The following MINDY4B variants were observed in gnomAD, a reference collection of about 807,000 sequenced individuals.
MINDY4B encodes the protein inactive ubiquitin carboxyl-terminal hydrolase MINDY-4B.
In MINDY4B, 25 loss-of-function variants were observed where a neutral mutation model predicts 16.7. That is an observed-to-expected ratio of 1.49 (90% CI 1.09 to 2.09). MINDY4B has a LOEUF of 2.09. MINDY4B is among the 30% of genes most tolerant of loss of function. The probability of loss-of-function intolerance (pLI) is 0.00; values close to 1 mark genes in which losing one functional copy is unlikely to be tolerated. For synonymous variants in MINDY4B, 132 were observed against 61.9 expected (o/e 2.13, Z -5.32); for missense variants, 327 against 168.4 (o/e 1.94, Z -5.21).
intron 10 of MINDY4B, among the ~76,000 whole-genome samples, chr3:150,876,954 G>A (rs1335671283): frequency 6.6e-6 from 1 of 152,172 alleles, no homozygotes; most frequent in Admixed American, 6.5e-5. Flanking sequence ...CTTCAAAATA[G>A]TGCCTCATCT....
intron 9 of MINDY4B, among the ~76,000 whole-genome samples, chr3:150,883,476 A>C (rs1711557812): frequency 6.6e-6 from 1 of 152,088 alleles, no homozygotes; most frequent in South Asian, 2.1e-4. Flanking sequence ...TAAACTAAGG[A>C]GGACTGTTAT....
chr3:150,873,158 C>T (rs1290051895), intron 11 of MINDY4B, 29 bp downstream of exon 11: 3 of 691,472 alleles, frequency 4.3e-6, no homozygotes, highest in Non-Finnish European at 7.9e-6. Flanking sequence ...ACATTAAAAT[C>T]CACAACACCT....
At chr3:150,884,554 A>G (rs948152664) in intron 8 of MINDY4B, among the ~76,000 whole-genome samples, 1 of 152,222 alleles carries the variant, frequency 6.6e-6, no homozygotes, top group African/African-American at 2.4e-5. Context: ...TACATGACTT[A>G]AAGGACATTA....
chr3:150,885,534 T>A, intron 7 of MINDY4B, 96 bp from the exon 8 acceptor site: 1 of 668,320 alleles, frequency 1.5e-6, no homozygotes. Flanking sequence ...GCTGAGAGAA[T>A]TTTTTCCCCC....
rs187167016 is a variant in MINDY4B at position 150,873,827 on chromosome 3, A to G, written c.1060-460T>C. Among the ~76,000 whole-genome samples the G allele has an allele frequency of 2.6e-5, 4 of 152,162 alleles. No homozygotes were observed. The East Asian group carries it at 5.8e-4, about 22-fold the overall frequency. On this transcript the variant is annotated intron_variant, in intron 10 of 11. Transcript: ENST00000465419. Reference sequence around the variant, plus strand: ...TCTGGCAACATCAACTATTTAGAATATAGAAAAAATGATATTTAAGATATA... The same window carrying G: ...TCTGGCAACATCAACTATTTAGAATGTAGAAAAAATGATATTTAAGATATA...
At chr3:150,894,522 A>G (rs906808452) in intron 3 of MINDY4B, among the ~76,000 whole-genome samples, 1 of 152,186 alleles carries the variant, frequency 6.6e-6, no homozygotes, top group Non-Finnish European at 1.5e-5. Flanking sequence ...TTTGCCAGGC[A>G]TCTACTTTGC....
At chr3:150,887,298 T>C (rs544717662) in intron 7 of MINDY4B, among the ~76,000 whole-genome samples, 41 of 152,200 alleles carry the variant, frequency 2.7e-4, no homozygotes, top group Admixed American at 2.3e-3. Flanking sequence ...GGTGAGATAT[T>C]CCATCACACT....
In MINDY4B at chr3:150,905,078, T is replaced by C; in HGVS notation, c.125A>G (p.Asn42Ser). ...EIFSYHRLGT[N>S]NSTPQNHEGN... ...AGTAATTACCTGAGGAGTTGAATTA[T>C]TGGTTCCCAACCTTTAAATGAAAGA... is the stretch of plus-strand genomic sequence containing the variant. Residue 42 changes from asparagine to serine, a missense_variant, in exon 2 of 12, where the codon AAT becomes AGT. By Grantham distance (46) the Asn-to-Ser change is conservative. Coordinates refer to ENST00000465419, the MANE Select transcript of MINDY4B (RefSeq NM_001351281.2). 1 of 398,550 alleles carries C rather than the reference T, an allele frequency of 2.5e-6. No homozygotes were observed. The highest frequency in any genetic ancestry group is 1.3e-4 in the South Asian group (1 of 7,860). The allele number at this position is 398,550 out of a possible 1,614,324, so 24.7% of individuals were successfully genotyped here.
intron 10 of MINDY4B, among the ~76,000 whole-genome samples, chr3:150,880,447 A>G (rs1213173391): frequency 1.6e-4 from 24 of 152,256 alleles, no homozygotes; most frequent in Non-Finnish European, 1.5e-5. Context: ...TGGCACAAAA[A>G]ACAAATGTTT....
chr3:150,901,907 T>C (rs1261351360), intron 3 of MINDY4B, among the ~76,000 whole-genome samples: 2 of 152,006 alleles, frequency 1.3e-5, no homozygotes, highest in East Asian at 1.9e-4. Context: ...GAGAAAGTTA[T>C]TTGGTGAAGC....
intron 2 of MINDY4B, among the ~76,000 whole-genome samples, chr3:150,903,992 T>G (rs1712179632): frequency 6.6e-6 from 1 of 152,226 alleles, no homozygotes; most frequent in South Asian, 2.1e-4. Flanking sequence ...CTTCTTCAAA[T>G]TTACTTAGCT....
chr3:150,877,675 T>C (rs1711498914), intron 10 of MINDY4B, among the ~76,000 whole-genome samples: 1 of 152,136 alleles, frequency 6.6e-6, no homozygotes, highest in South Asian at 2.1e-4. Flanking sequence ...CAGTTCACCA[T>C]CAACACAAGC....
At chr3:150,902,022 A>C (rs1245816717) in intron 3 of MINDY4B, among the ~76,000 whole-genome samples, 1 of 152,136 alleles carries the variant, frequency 6.6e-6, no homozygotes, top group African/African-American at 2.4e-5. Context: ...TCGAAGCTGG[A>C]AATACCGCAG....
intron 3 of MINDY4B, among the ~76,000 whole-genome samples, chr3:150,897,321 CTGTGTGTGTGTGTGTGTGTG>C (rs3062408): frequency 2.2e-4 from 29 of 130,598 alleles, no homozygotes; most frequent in East Asian, 6.8e-4. Context: ...GTGACTGGAA[CTGTGTGTGTGTGTGTGTGTG>C]TGTGTGTGTG....
intron 7 of MINDY4B, among the ~76,000 whole-genome samples, chr3:150,889,448 G>T (rs929487939): frequency 6.6e-6 from 1 of 152,090 alleles, no homozygotes; most frequent in African/African-American, 2.4e-5. Context: ...GATTCCACCG[G>T]GCCCACCTGG....
Position 150,888,196 on chromosome 3 carries a change from A to T in MINDY4B, c.753+2124T>A, listed in dbSNP as rs752166939. ...TTCCTGGTTTCTGGTGGTTGCCGCC[A>T]TTCCTTGGCTTGGAGAAGCATCACT... On this transcript the variant is annotated intron_variant, in intron 7 of 11. Coordinates refer to ENST00000465419, the MANE Select transcript of MINDY4B (RefSeq NM_001351281.2). Among the ~76,000 whole-genome samples, 329 of 152,106 alleles carry T rather than the reference A, an allele frequency of 2.2e-3. 2 individuals carry two copies. The highest frequency in any genetic ancestry group is 2.4e-4 in the Non-Finnish European group (16 of 67,970).
intron 7 of MINDY4B, among the ~76,000 whole-genome samples, chr3:150,886,388 A>T (rs1412564905): frequency 6.6e-6 from 1 of 152,232 alleles, no homozygotes; most frequent in Non-Finnish European, 1.5e-5. Context: ...GCCCTCAGGT[A>T]GCAGAATAAA....
intron 5 of MINDY4B, among the ~76,000 whole-genome samples, chr3:150,891,858 G>A (rs1366066964): frequency 6.6e-6 from 1 of 151,908 alleles, no homozygotes; most frequent in Non-Finnish European, 1.5e-5. Context: ...AGAAAACACG[G>A]GAAATAGAGA....
intron 10 of MINDY4B, among the ~76,000 whole-genome samples, chr3:150,876,278 C>T (rs1711497034): frequency 1.3e-5 from 2 of 152,192 alleles, no homozygotes; most frequent in African/African-American, 4.8e-5. Flanking sequence ...AAATTCTACA[C>T]ATCAGAGTGC....
Sources: allele counts gnomAD v4.1 joint callset (sites outside exome capture counted in the v4.1 genomes callset), GRCh38; gene constraint gnomAD v4.1.1; transcripts MANE v1.5; gene names NCBI Gene and HGNC (gene_info 2026-07-23, HGNC 2026-07-21).